Variants in ZDHHC2 observed in about 807,000 individuals in gnomAD.
The protein encoded by ZDHHC2 is palmitoyltransferase ZDHHC2.
A neutral mutation model predicts 55.6 loss-of-function variants in ZDHHC2; 51 were observed. The observed-to-expected ratio is 0.92, with a 90% CI of 0.73 to 1.16. The LOEUF (loss-of-function observed/expected upper bound fraction) is 1.16, where lower values mean the gene tolerates loss of function less well. Ranked by LOEUF, ZDHHC2 falls within the 50% of genes most tolerant of loss-of-function variation. The pLI, the probability that ZDHHC2 is intolerant of heterozygous loss-of-function variation, is 0.00. For missense variants in ZDHHC2, 491 were observed against 442.4 expected, an observed-to-expected ratio of 1.11 and a Z score of -0.99; for synonymous variants, 199 against 152.9, an observed-to-expected ratio of 1.30 and a Z score of -2.22.
intron 4 of ZDHHC2, among the ~76,000 whole-genome samples, chr8:17,196,677 T>C (rs113231018): frequency 0.017 from 2,619 of 151,480 alleles, 32 homozygotes; most frequent in Non-Finnish European, 0.027. Context: ...CCGAGGCAGG[T>C]GGATCACCTG....
At chr8:17,205,830 G>C (rs1807074556) in intron 7 of ZDHHC2, 55 bp downstream of exon 7, 1 of 1,482,456 alleles carries the variant, frequency 6.7e-7, no homozygotes, top group Non-Finnish European at 9.0e-7. Flanking sequence ...GATAATATAG[G>C]CTTTTCAGAA....
At chr8:17,196,289 C>T (rs770089835) in intron 4 of ZDHHC2, among the ~76,000 whole-genome samples, 15 of 152,074 alleles carry the variant, frequency 9.9e-5, no homozygotes, top group Admixed American at 6.6e-5. Flanking sequence ...CCGCTAGCCC[C>T]ATGTGGCTGT....
At chr8:17,214,698 C>T (rs537520516) in intron 10 of ZDHHC2, among the ~76,000 whole-genome samples, 102 of 152,060 alleles carry the variant, frequency 6.7e-4, no homozygotes, top group African/African-American at 2.4e-3. Flanking sequence ...CACTTGAGAC[C>T]AGGCATTTGT....
intron 6 of ZDHHC2, among the ~76,000 whole-genome samples, chr8:17,198,790 A>G (rs930200389): frequency 5.9e-5 from 9 of 152,244 alleles, no homozygotes; most frequent in Non-Finnish European, 1.3e-4. Flanking sequence ...TAAGTCATCA[A>G]AAGCTTTTTA....
intron 12 of ZDHHC2, among the ~76,000 whole-genome samples, chr8:17,219,580 A>T (rs1807816774): frequency 6.6e-6 from 1 of 152,076 alleles, no homozygotes; most frequent in African/African-American, 2.4e-5. Flanking sequence ...AACATGGTGA[A>T]ACCCCGTCTC....
At chr8:17,172,583 C>G (rs1243980078) in intron 1 of ZDHHC2, among the ~76,000 whole-genome samples, 2 of 151,786 alleles carry the variant, frequency 1.3e-5, no homozygotes, top group Admixed American at 6.6e-5. Flanking sequence ...GATCTCAAGT[C>G]TTCTTAATGC....
At chr8:17,194,483 C>T (rs1239381810) in intron 3 of ZDHHC2, among the ~76,000 whole-genome samples, 1 of 151,574 alleles carries the variant, frequency 6.6e-6, no homozygotes, top group East Asian at 1.9e-4. Context: ...GTGCATCTCC[C>T]AGCTGTTTCC....
At chr8:17,178,973 C>T (rs1585668528) in intron 1 of ZDHHC2, among the ~76,000 whole-genome samples, 1 of 152,050 alleles carries the variant, frequency 6.6e-6, no homozygotes, top group East Asian at 1.9e-4. Context: ...TTTTTTGAGA[C>T]AGGGTCACGC....
At position 17,197,774 on chromosome 8, in the gene ZDHHC2, G is replaced by C. The variant is rs146309452; in HGVS notation, c.443+123G>C. 3.6e-4 allele frequency: 391 copies of C among 1,098,778 alleles called. 3 individuals carry two copies. The African/African-American group carries it at 5.2e-3, about 15-fold the overall frequency. The allele number at this position is 1,098,778 out of a possible 1,614,324, so 68.1% of individuals were successfully genotyped here. A position where few individuals can be genotyped will look rare whatever the true frequency, so the allele number is the denominator to read the frequency against. ...TTCTCGCTTCTCAGCCCTTGATTTA[G>C]GAAATGGAGTTGGTATAACCCGCTG... On this transcript the variant is annotated intron_variant, in intron 5 of 12. Transcript: ENST00000262096.
chr8:17,185,601 G>A (rs1805668311), intron 2 of ZDHHC2, among the ~76,000 whole-genome samples: 1 of 152,108 alleles, frequency 6.6e-6, no homozygotes, highest in African/African-American at 2.4e-5. Context: ...GCCCCAGGGG[G>A]CGGAGGTGGC....
chr8:17,210,749 T>C (rs1548351), intron 10 of ZDHHC2, among the ~76,000 whole-genome samples: 76,176 of 151,974 alleles, frequency 0.5, 22,796 homozygotes, highest in Non-Finnish European at 0.69. Context: ...TTTTTAAATG[T>C]AGTGCTTAAA....
intron 8 of ZDHHC2, among the ~76,000 whole-genome samples, chr8:17,209,219 C>A (rs948808916): frequency 6.6e-6 from 1 of 152,162 alleles, no homozygotes; most frequent in Admixed American, 6.5e-5. Context: ...GAATGAGCAT[C>A]ACCAGATGCA....
chr8:17,209,149 G>A (rs554231883), intron 8 of ZDHHC2, among the ~76,000 whole-genome samples: 1 of 152,264 alleles, frequency 6.6e-6, no homozygotes, highest in African/African-American at 2.4e-5. Flanking sequence ...AGTCTGTCGT[G>A]TGTTTGTTGT....
chr8:17,203,387 T>C (rs1282818617), intron 6 of ZDHHC2, among the ~76,000 whole-genome samples: 1 of 151,796 alleles, frequency 6.6e-6, no homozygotes, highest in Non-Finnish European at 1.5e-5. Flanking sequence ...TGTGCCACCA[T>C]GCCCGGCTAA....
At chr8:17,174,063 A>G (rs1805000457) in intron 1 of ZDHHC2, among the ~76,000 whole-genome samples, 1 of 151,470 alleles carries the variant, frequency 6.6e-6, no homozygotes. Context: ...CCGGCACCTC[A>G]ATTTGTGCTC....
intron 12 of ZDHHC2, among the ~76,000 whole-genome samples, chr8:17,219,920 A>C (rs1807838683): frequency 6.6e-6 from 1 of 152,192 alleles, no homozygotes; most frequent in African/African-American, 2.4e-5. Context: ...AACAACATAG[A>C]ACCCTGCCAC....
intron 1 of ZDHHC2, among the ~76,000 whole-genome samples, chr8:17,176,818 GA>G (rs992128415): frequency 4.9e-5 from 7 of 144,172 alleles, no homozygotes; most frequent in Admixed American, 1.4e-4. Context: ...GGACAACAAA[GA>G]AAAAAAAAGA....
chr8:17,167,157 C>G (rs1186241782), intron 1 of ZDHHC2, among the ~76,000 whole-genome samples: 1 of 152,124 alleles, frequency 6.6e-6, no homozygotes, highest in Non-Finnish European at 1.5e-5. Flanking sequence ...GCCAGCTAAA[C>G]TTGTTCAGTT....
intron 1 of ZDHHC2, among the ~76,000 whole-genome samples, chr8:17,175,378 C>G (rs1220638702): frequency 6.6e-6 from 1 of 152,198 alleles, no homozygotes; most frequent in Non-Finnish European, 1.5e-5. Flanking sequence ...CTTATTCACG[C>G]TTAAAAGGCT....
Sources: allele counts gnomAD v4.1 joint callset (sites outside exome capture counted in the v4.1 genomes callset), GRCh38; gene constraint gnomAD v4.1.1; transcripts MANE v1.5; gene names NCBI Gene and HGNC (gene_info 2026-07-23, HGNC 2026-07-21).